The following PCNX2 variants were observed in gnomAD, a reference collection of about 807,000 sequenced individuals.
PCNX2 encodes pecanex-like protein 2.
Under a neutral mutation model 223.8 loss-of-function variants are expected in PCNX2, and 168 were observed. That is an observed-to-expected ratio of 0.75 (90% CI 0.66 to 0.85). The LOEUF (loss-of-function observed/expected upper bound fraction) is 0.85. PCNX2 is among the 40% of genes least tolerant of loss of function. The pLI, the probability that PCNX2 is intolerant of heterozygous loss-of-function variation, is 0.00. For synonymous variants in PCNX2, 1,006 were observed against 1,052.6 expected, an observed-to-expected ratio of 0.96 and a Z score of 0.86; for missense variants, 2,507 against 2,675.5, an observed-to-expected ratio of 0.94 and a Z score of 1.39.
chr1:233,197,325 C>A (rs1680794094), intron 15 of PCNX2, among the ~76,000 whole-genome samples: 1 of 152,076 alleles, frequency 6.6e-6, no homozygotes, highest in African/African-American at 2.4e-5. Flanking sequence ...AAGGTGCCTG[C>A]AGAAAAACAC....
At chr1:233,076,112 A>C (rs1479413907) in intron 23 of PCNX2, among the ~76,000 whole-genome samples, 1 of 152,236 alleles carries the variant, frequency 6.6e-6, no homozygotes, top group African/African-American at 2.4e-5. Flanking sequence ...AAATTATCAG[A>C]GTACTGCTGA....
chr1:233,236,861 T>G lies in PCNX2; in HGVS notation c.2342A>C (p.Gln781Pro), dbSNP rs1460787913. 4 of 1,613,888 alleles carry G rather than the reference T, an allele frequency of 2.5e-6. No individual in the cohort carries two copies. Among genetic ancestry groups the G allele is most frequent in the Non-Finnish European group, 3.4e-6 (4 of 1,179,842 alleles). Residue 781 changes from glutamine to proline, a missense_variant, in exon 9 of 34, where the codon CAG (glutamine) becomes CCG (proline). Physicochemically the swap from Gln to Pro is moderately conservative, Grantham distance 76. Around this residue, in one of 3 missense-constraint regions of PCNX2, gnomAD observed 1,031 missense variants for 1,021.7 expected, o/e 1.01. Transcript: ENST00000258229. ...TGTACGTACCCGTGGGGTTTCCGAC[T>G]GGGTCCTGCGAGCCACCATCAGTAA... ...QLLLMVARRT[Q>P]SETPRHVSQD...
At chr1:233,074,592 C>G in intron 23 of PCNX2, among the ~76,000 whole-genome samples, 1 of 44,850 alleles carries the variant, frequency 2.2e-5, no homozygotes, top group African/African-American at 1.3e-4. Context: ...GAGACTCCGT[C>G]TCAAAAAAAA....
chr1:233,233,359 C>G (rs1658183002), intron 9 of PCNX2, among the ~76,000 whole-genome samples: 1 of 151,960 alleles, frequency 6.6e-6, no homozygotes, highest in Non-Finnish European at 1.5e-5. Flanking sequence ...CAAGCTCTGC[C>G]CTTCCCTTTG....
intron 21 of PCNX2, among the ~76,000 whole-genome samples, chr1:233,120,121 C>A (rs1338732265): frequency 7.9e-6 from 1 of 125,950 alleles, no homozygotes; most frequent in Non-Finnish European, 1.6e-5. Context: ...GAGCCGAGAT[C>A]ACACCACTGC....
chr1:233,273,815 G>T (rs191542291), intron 1 of PCNX2, among the ~76,000 whole-genome samples: 1 of 152,068 alleles, frequency 6.6e-6, no homozygotes, highest in African/African-American at 2.4e-5. Flanking sequence ...AGTGGAGACG[G>T]GGTTTCACCA....
chr1:233,240,826 C>A (rs556769162), intron 8 of PCNX2, among the ~76,000 whole-genome samples: 2 of 152,164 alleles, frequency 1.3e-5, no homozygotes, highest in African/African-American at 4.8e-5. Flanking sequence ...ACTGGACTCA[C>A]CAGGTTTCCA....
chr1:233,211,670 T>C (rs1407668570), intron 12 of PCNX2: 1 of 594,092 alleles, frequency 1.7e-6, no homozygotes, highest in African/African-American at 2.0e-5. Context: ...GAGTAAGGAC[T>C]GGAGCCCCAT....
upstream of PCNX2, among the ~76,000 whole-genome samples, chr1:233,298,940 G>C (rs1160252752): frequency 6.6e-6 from 1 of 152,148 alleles, no homozygotes; most frequent in Non-Finnish European, 1.5e-5. Context: ...TTGACTACTT[G>C]TTTCCTGGCA....
intron 33 of PCNX2, chr1:232,985,799 G>A (rs983981446): frequency 2.0e-5 from 12 of 594,150 alleles, no homozygotes; most frequent in East Asian, 5.5e-5. Context: ...GTCATGCCCC[G>A]GTGTAGGGCA....
chr1:233,315,191 A>G, the PCNX2 span, among the ~76,000 whole-genome samples: 1 of 152,236 alleles, frequency 6.6e-6, no homozygotes, highest in African/African-American at 2.4e-5. Context: ...CCGCATTCAC[A>G]TATAAGAGAA....
At position 233,184,329 on chromosome 1, in the gene PCNX2, G is replaced by A. The variant is rs376493005; in HGVS notation, c.3067-5154C>T. Reference sequence around the variant, plus strand: ...TTCTGTGGAAGGCACTTAATTTCTCGGTGGTTCAGCTTCCTATTCTGTAAA... The same window carrying A: ...TTCTGTGGAAGGCACTTAATTTCTCAGTGGTTCAGCTTCCTATTCTGTAAA... On this transcript the variant is annotated intron_variant, in intron 15 of 33. Transcript: ENST00000258229. 1.0e-3 allele frequency among the ~76,000 whole-genome samples: 152 copies of A among 152,078 alleles called. 3 individuals carry two copies. In the South Asian group the frequency reaches 0.03, roughly 30 times the overall value.
chr1:233,090,418 C>A (rs1558220594), intron 22 of PCNX2, among the ~76,000 whole-genome samples: 1 of 152,138 alleles, frequency 6.6e-6, no homozygotes, highest in Non-Finnish European at 1.5e-5. Context: ...TCATAAAAAT[C>A]TCAGCAGTCT....
At chr1:232,993,912 G>C (rs1171105109) in intron 32 of PCNX2, among the ~76,000 whole-genome samples, 1 of 152,238 alleles carries the variant, frequency 6.6e-6, no homozygotes, top group African/African-American at 2.4e-5. Flanking sequence ...TTGGGCCTAA[G>C]AGTGTGCAGA....
At chr1:233,304,832 C>T in the PCNX2 span, among the ~76,000 whole-genome samples, 1 of 152,168 alleles carries the variant, frequency 6.6e-6, no homozygotes. Flanking sequence ...CACCTAATTA[C>T]ATTTTGTGAA....
rs570745561 is a variant in PCNX2 at position 233,243,205 on chromosome 1, T to G, written c.2223-6225A>C. On this transcript the variant is annotated intron_variant, in intron 8 of 33. Transcript: ENST00000258229. ...ATTACTAACAATTCCCTATTCATAC[T>G]TGGGAGTCAGGGATATAAAACTGTC... Among the ~76,000 whole-genome samples the G allele has an allele frequency of 2.6e-5, 4 of 152,318 alleles. No homozygotes were observed. The South Asian group carries it at 8.3e-4, about 32-fold the overall frequency.
Position 233,258,366 on chromosome 1 carries a change from T to C in PCNX2, c.1496A>G (p.Asp499Gly). The C allele has an allele frequency of 6.2e-7, 1 of 1,613,952 alleles. No homozygotes were observed. Residue 499 changes from aspartate to glycine, a missense_variant, in exon 5 of 34, where the codon GAT (aspartate) becomes GGT (glycine). By Grantham distance (94) the Asp-to-Gly change is moderately conservative. This residue lies in a region of PCNX2 where 1,031 missense variants were observed against 1,021.7 expected (regional missense o/e 1.01). Coordinates refer to ENST00000258229, the MANE Select transcript of PCNX2 (RefSeq NM_014801.4). The part of the protein sequence containing the change: ...PWESVSRLTP[D>G]TGSESKVGKE... ...CCCCACCTTAGACTCGGAGCCTGTA[T>C]CAGGTGTAAGCCGGGACACCGATTC...
At chr1:233,005,459 G>T (rs1031964729) in intron 28 of PCNX2, among the ~76,000 whole-genome samples, 1 of 152,116 alleles carries the variant, frequency 6.6e-6, no homozygotes, top group Non-Finnish European at 1.5e-5. Flanking sequence ...TCCATCAAAG[G>T]CCACCAACAA....
intron 8 of PCNX2, chr1:233,241,307 C>G (rs1262033696): frequency 2.0e-6 from 2 of 985,290 alleles, no homozygotes; most frequent in Non-Finnish European, 2.4e-6. Flanking sequence ...GGAACAGAAC[C>G]ACACTGAGCG....
Sources: allele counts gnomAD v4.1 joint callset (sites outside exome capture counted in the v4.1 genomes callset), GRCh38; gene constraint gnomAD v4.1.1; regional missense constraint gnomAD v4.1.1; transcripts MANE v1.5; gene names NCBI Gene and HGNC (gene_info 2026-07-23, HGNC 2026-07-21).